CLUH: variants seen among roughly 807,000 people sequenced by gnomAD.
CLUH encodes the protein CLUH binding protein of NUMT mRNA.
Under a neutral mutation model 139.3 loss-of-function variants are expected in CLUH, and 77 were observed. The ratio of observed to expected loss-of-function variants is 0.55; its 90% CI spans 0.46 to 0.67. The LOEUF is 0.67. Ranked by LOEUF, CLUH falls within the 30% of genes least tolerant of loss-of-function variation. CLUH has a pLI of 0.00. For synonymous variants in CLUH, 999 were observed against 801.6 expected (o/e 1.25, Z -4.16); for missense variants, 1,876 against 1,875.8 (o/e 1.00, Z 0.00).
Position 2,691,632 on chromosome 17 carries a change from G to A in CLUH, c.3840C>T (p.Asn1280=), listed in dbSNP as rs752203330. Residue 1280 remains asparagine (N), a synonymous_variant, in exon 25 of 26, where the codon AAC becomes AAT. Transcript: ENST00000651024. ...ACCTGAGAGGAATGAAGAGGATGCC[G>A]TTAATGACGTTCAGCTGCTCCAAGA... is the stretch of plus-strand genomic sequence containing the variant. ...ASVLEQLNVI[N]GILFIPLSQK... is the part of the protein sequence containing the mutation. 9.9e-6 allele frequency: 16 copies of A among 1,612,770 alleles called. No individual in the cohort carries two copies. In the Admixed American group the frequency reaches 1.0e-4, roughly 10 times the overall value.
At position 2,705,672 on chromosome 17, in the gene CLUH, A is replaced by G. The variant is rs73976571; in HGVS notation, c.101-1108T>C. Reference sequence around the variant, plus strand: ...TTCCCAGAGACATTCGGCTGCACCCAGGGTGGCGTCCTCACCAGCAGCTCT... The same window carrying G: ...TTCCCAGAGACATTCGGCTGCACCCGGGGTGGCGTCCTCACCAGCAGCTCT... On this transcript the variant is annotated intron_variant, in intron 1 of 25. Coordinates refer to ENST00000651024, the MANE Select transcript of CLUH (RefSeq NM_001366661.1). Among the ~76,000 whole-genome samples, 1,329 of 152,266 alleles carry G rather than the reference A, an allele frequency of 8.7e-3. 27 individuals carry two copies. Among genetic ancestry groups the G allele is most frequent in the African/African-American group, 0.03 (1,256 of 41,542 alleles).
chr17:2,697,972 C>G lies in CLUH; in HGVS notation c.1885G>C (p.Ala629Pro). ...GEELPEECAR[A>P]GFPRAHRHKL... ...TGCCGGTGGGCGCGGGGGAAGCCGG[C>G]GCGGGCGCATTCCTCAGGCAGCTCC... The change falls in exon 10 of 26, where the codon GCC (alanine) becomes CCC (proline). Residue 629 changes from alanine to proline, a missense_variant. Around this residue, in one of 3 missense-constraint regions of CLUH, gnomAD observed 1,454 missense variants for 1,384.4 expected, o/e 1.05. Coordinates refer to ENST00000651024, the MANE Select transcript of CLUH (RefSeq NM_001366661.1). The G allele has an allele frequency of 6.3e-7, 1 of 1,577,646 alleles. No homozygotes were observed. Among genetic ancestry groups the G allele is most frequent in the Non-Finnish European group, 8.6e-7 (1 of 1,167,578 alleles).
Position 2,707,876 on chromosome 17 carries a change from G to T in CLUH, c.101-3312C>A. ...TGCCAGCCCCTTCCTGGGAGTCACT[G>T]GTTCTGGTGGAAGGGAGGGGGATGG... is the stretch of plus-strand genomic sequence containing the variant. On this transcript the variant is annotated intron_variant, in intron 1 of 25. Coordinates refer to ENST00000651024, the MANE Select transcript of CLUH (RefSeq NM_001366661.1). The surrounding 1 kb of genome is among the most constrained non-coding windows in gnomAD (Gnocchi z 7.4). 3.0e-6 allele frequency: 3 copies of T among 985,448 alleles called. No homozygotes were observed. The highest frequency in any genetic ancestry group is 3.6e-6 in the Non-Finnish European group (3 of 829,926). 61.0% of individuals were successfully genotyped at this position (985,448 alleles called of 1,614,324 possible).
rs745668813 is a variant in CLUH, at chr17:2,701,393, G to A, written c.872C>T (p.Ala291Val). Reference sequence around the variant, plus strand: ...ATTCAGGTAAAAGCCCCGTGTGGACGCGGTGATGCTGACTTGCCGGTCCTC... The same window carrying A: ...ATTCAGGTAAAAGCCCCGTGTGGACACGGTGATGCTGACTTGCCGGTCCTC... ...TAEDRQVSIT[A>V]STRGFYLNQS... Residue 291 changes from alanine (A) to valine (V), a missense_variant, in exon 6 of 26, where the codon GCG becomes GTG. This residue lies in a region of CLUH where 270 missense variants were observed against 354.7 expected (regional missense o/e 0.76). Coordinates refer to ENST00000651024, the MANE Select transcript of CLUH (RefSeq NM_001366661.1). 90 of 1,609,750 alleles carry A rather than the reference G, an allele frequency of 5.6e-5. No individual in the cohort carries two copies. Among genetic ancestry groups the A allele is most frequent in the Middle Eastern group, 1.6e-4 (1 of 6,080 alleles).
intron 9 of CLUH, among the ~76,000 whole-genome samples, chr17:2,699,098 C>T (rs2070084131): frequency 6.6e-6 from 1 of 152,066 alleles, no homozygotes; most frequent in South Asian, 2.1e-4. Flanking sequence ...TACACTTGTG[C>T]TGAGGGAGAC....
At chr17:2,692,924 GC>G in intron 19 of CLUH, 64 bp from the exon 20 acceptor site, 1 of 1,471,682 alleles carries the variant, frequency 6.8e-7, no homozygotes. Context: ...AGCCCGCCTG[GC>G]CCCGGCCCAG....
At chr17:2,694,444 CGG>C in intron 17 of CLUH, 34 bp downstream of exon 17, 1 of 1,513,078 alleles carries the variant, frequency 6.6e-7, no homozygotes, top group South Asian at 1.2e-5. Context: ...GGGGACACAG[CGG>C]GGACACAGCG....
In CLUH at chr17:2,704,302, C is replaced by G; in HGVS notation, c.303+60G>C. The G allele has an allele frequency of 6.6e-7, 1 of 1,526,620 alleles. No homozygotes were observed. The highest frequency in any genetic ancestry group is 8.9e-7 in the Non-Finnish European group (1 of 1,121,692). 94.6% of individuals were successfully genotyped at this position (1,526,620 alleles called of 1,614,324 possible). ...AGGAGCACGAGCAAGGCTGAGCTTT[C>G]CAGCTCACCCTCCCCAGCAGGCTCA... On this transcript the variant is annotated intron_variant, in intron 2 of 25. Transcript: ENST00000651024. The surrounding 1 kb of genome is among the most constrained non-coding windows in gnomAD (Gnocchi z 5.7).
chr17:2,706,175 TC>T lies in CLUH; in HGVS notation c.101-1612del, dbSNP rs1387663509. 6.6e-6 allele frequency among the ~76,000 whole-genome samples: 1 copy of T among 151,882 alleles called. No individual in the cohort carries two copies. Among genetic ancestry groups the T allele is most frequent in the East Asian group, 1.9e-4 (1 of 5,174 alleles). ...CTTTCCCAGAACTGTGTGGTCCCAA[TC>T]CGGACCCACCAGAAACACGGAGCAG... On this transcript the variant is annotated intron_variant, in intron 1 of 25. Coordinates refer to ENST00000651024, the MANE Select transcript of CLUH (RefSeq NM_001366661.1). This position sits in a 1 kb window ranked among gnomAD's most constrained non-coding sequence, Gnocchi z 4.6.
In CLUH at chr17:2,698,510, G is replaced by A. The variant is rs375623943; in HGVS notation, c.1347C>T (p.Ser449=). ...TGAACATCTGCATCTTGGTCTCCTC[G>A]CTGGGGTTGATGGCCATCACGTTGC... ...IDGNVMAINP[S]EETKMQMFIW... The change falls in exon 10 of 26, where the codon AGC becomes AGT. Residue 449 remains serine, a synonymous_variant. Transcript: ENST00000651024. The A allele has an allele frequency of 2.5e-6, 4 of 1,612,924 alleles. No individual in the cohort carries two copies. The highest frequency in any genetic ancestry group is 2.2e-5 in the East Asian group (1 of 44,868).
chr17:2,691,805 C>A lies in CLUH; in HGVS notation c.3745G>T (p.Glu1249Ter). ...QAVALQRTMN[E>*]IYRNGSSANI... Reference sequence around the variant, plus strand: ...GCGCTGGAGCCGTTGCGGTAGATCTCGTTCATGGTGCGCTGCAGGGCCACG... The same window carrying A: ...GCGCTGGAGCCGTTGCGGTAGATCTAGTTCATGGTGCGCTGCAGGGCCACG... The change falls in exon 24 of 26, where the codon GAG (glutamate) becomes TAG (stop). Residue 1249 changes from glutamate (E) to a stop codon, truncating the protein, a stop_gained. Coordinates refer to ENST00000651024, the MANE Select transcript of CLUH (RefSeq NM_001366661.1). LOFTEE classifies it high-confidence loss of function. The A allele has an allele frequency of 6.3e-7, 1 of 1,584,082 alleles. No homozygotes were observed. The highest frequency in any genetic ancestry group is 1.3e-5 in the African/African-American group (1 of 74,382).
At chr17:2,691,939 G>GGCCCCGCCCCCGCCCCC in intron 23 of CLUH, 44 bp from the exon 24 acceptor site, 1 of 1,061,458 alleles carries the variant, frequency 9.4e-7, no homozygotes, top group African/African-American at 2.2e-5. Context: ...GTGCCCCCGC[G>GGCCCCGCCCCCGCCCCC]GCCCCGCCCC....
rs1313358691 is a variant in CLUH at position 2,690,462 on chromosome 17, G to GGGGGT, written c.*127_*131dup. 58 of 775,340 alleles carry GGGGGT rather than the reference G, an allele frequency of 7.5e-5. No homozygotes were observed. Among genetic ancestry groups the GGGGGT allele is most frequent in the Admixed American group, 5.9e-4 (14 of 23,848 alleles). The allele number at this position is 775,340 out of a possible 1,614,324, so 48.0% of individuals were successfully genotyped here. A position where few individuals can be genotyped will look rare whatever the true frequency, so the allele number is the denominator to read the frequency against. On this transcript the variant is annotated 3_prime_UTR_variant, in exon 26 of 26. Transcript: ENST00000651024. ...GCAGGCCAGGCTCCCAGGAGGACAC[G>GGGGGT]GGGGTGGGGTGGGGTGAGACGTGGA...
intron 19 of CLUH, 131 bp downstream of exon 19, chr17:2,693,769 G>A: frequency 8.5e-7 from 1 of 1,181,384 alleles, no homozygotes; most frequent in South Asian, 1.5e-5. Context: ...GGTGGAGCCA[G>A]GGGTGGCCTG....
At chr17:2,709,529 C>A (rs145388817) in intron 1 of CLUH, among the ~76,000 whole-genome samples, 6 of 152,202 alleles carry the variant, frequency 3.9e-5, no homozygotes, top group Non-Finnish European at 5.9e-5. Flanking sequence ...TCCTCCTCCC[C>A]CTCTGGGCCT....
chr17:2,691,963 CCCCG>C (rs771886015), intron 23 of CLUH, 37 bp downstream of exon 23: 11,210 of 710,084 alleles, frequency 0.016, 835 homozygotes, highest in Middle Eastern at 0.056. Context: ...CCCGCCACGC[CCCCG>C]CCCCGCCCCC....
chr17:2,696,652 TG>T, intron 11 of CLUH, 66 bp downstream of exon 11: 1 of 1,574,772 alleles, frequency 6.4e-7, no homozygotes, highest in South Asian at 1.1e-5. Flanking sequence ...CTCTCCCAGG[TG>T]GGGGTCATAA....
Position 2,698,426 on chromosome 17 carries a change from G to T in CLUH, c.1431C>A (p.Phe477Leu), listed in dbSNP as rs752806033. Residue 477 changes from phenylalanine to leucine, a missense_variant, in exon 10 of 26, where the codon TTC (phenylalanine) becomes TTA (leucine). By Grantham distance (22) the Phe-to-Leu change is conservative. Coordinates refer to ENST00000651024, the MANE Select transcript of CLUH (RefSeq NM_001366661.1). ...GFDVRDHYKD[F>L]GGDVAAYVAP... ...CCACGTAGGCCGCCACGTCCCCCCC[G>T]AAGTCCTTGTAGTGGTCTCGGACGT... is the stretch of plus-strand genomic sequence containing the variant. 2 of 1,613,218 alleles carry T rather than the reference G, an allele frequency of 1.2e-6. No individual in the cohort carries two copies. The highest frequency in any genetic ancestry group is 1.1e-5 in the South Asian group (1 of 91,074).
intron 25 of CLUH, among the ~76,000 whole-genome samples, chr17:2,691,244 C>T (rs2151687584): frequency 6.6e-6 from 1 of 152,278 alleles, no homozygotes; most frequent in East Asian, 1.9e-4. Context: ...GGTCTTCACT[C>T]GCGGAATGCG....
Sources: gnomAD v4.1 joint callset for allele counts (sites outside exome capture counted in the v4.1 genomes callset) on GRCh38, gnomAD v4.1.1 for gene constraint, gnomAD v4.1.1 regional missense constraint, Gnocchi (gnomAD v3.1) non-coding constraint, MANE v1.5 for transcripts, NCBI Gene and HGNC (gene_info 2026-07-23, HGNC 2026-07-21) for gene names.